Variants in NFIC observed in about 807,000 individuals in gnomAD.
NFIC encodes nuclear factor I C.
In NFIC, 12 loss-of-function variants were observed where a neutral mutation model predicts 54.4. The observed-to-expected ratio is 0.22, with a 90% CI of 0.14 to 0.36. The LOEUF (loss-of-function observed/expected upper bound fraction) is 0.36. Ranked by LOEUF, NFIC falls within the 10% of genes least tolerant of loss-of-function variation. The pLI is 1.00. For synonymous variants in NFIC, 322 were observed against 319.2 expected, an observed-to-expected ratio of 1.01 and a Z score of -0.09; for missense variants, 575 against 718.2, an observed-to-expected ratio of 0.80 and a Z score of 2.28.
intron 6 of NFIC, among the ~76,000 whole-genome samples, chr19:3,444,796 C>A (rs1392686945): frequency 6.6e-6 from 1 of 152,230 alleles, no homozygotes; most frequent in Non-Finnish European, 1.5e-5. Flanking sequence ...GAGCTGCCAG[C>A]CCCTGCACAC....
rs190974806 is a variant in NFIC at position 3,465,699 on chromosome 19, G to A, written c.*2930G>A. ...GGGAAAGGGCTCTCCTCTCTGATTG[G>A]TCCCTAGGCCACGGGCCGGCCCCCA... On this transcript the variant is annotated 3_prime_UTR_variant, in exon 11 of 11. Transcript: ENST00000443272. 81 of 152,304 alleles carry A rather than the reference G, an allele frequency of 5.3e-4. No individual in the cohort carries two copies. Among genetic ancestry groups the A allele is most frequent in the African/African-American group, 1.9e-3 (78 of 41,552 alleles). 9.4% of individuals were successfully genotyped at this position (152,304 alleles called of 1,614,324 possible).
chr19:3,432,514 G>C (rs2082135443), intron 3 of NFIC, among the ~76,000 whole-genome samples: 1 of 152,012 alleles, frequency 6.6e-6, no homozygotes, highest in Admixed American at 6.6e-5. Context: ...CAGGCAGTTG[G>C]ATACAGATCT....
intron 6 of NFIC, among the ~76,000 whole-genome samples, chr19:3,447,426 A>G (rs929972243): frequency 6.6e-6 from 1 of 151,916 alleles, no homozygotes; most frequent in Non-Finnish European, 1.5e-5. Flanking sequence ...TTCCCACTTC[A>G]TTTTGAAGAC....
intron 1 of NFIC, among the ~76,000 whole-genome samples, chr19:3,371,758 C>T (rs1456400101): frequency 6.6e-6 from 1 of 152,070 alleles, no homozygotes; most frequent in Non-Finnish European, 1.5e-5. Context: ...TGTATTTGCG[C>T]AGCGTAAGCC....
chr19:3,395,250 T>C (rs1385958128), intron 2 of NFIC, among the ~76,000 whole-genome samples: 1 of 151,986 alleles, frequency 6.6e-6, no homozygotes, highest in Non-Finnish European at 1.5e-5. Context: ...TCCCAGCTAC[T>C]GGGGAGGCTG....
rs932461315 is a variant in NFIC, at chr19:3,454,047, G to A, written c.1423+131G>A. 24 of 1,383,000 alleles carry A rather than the reference G, an allele frequency of 1.7e-5. No homozygotes were observed. In the Admixed American group the frequency reaches 4.4e-4, roughly 26 times the overall value. The allele number at this position is 1,383,000 out of a possible 1,614,324, so 85.7% of individuals were successfully genotyped here. On this transcript the variant is annotated intron_variant, in intron 9 of 10. Coordinates refer to ENST00000443272, the MANE Select transcript of NFIC (RefSeq NM_001245002.2). ...GCCTGGCGAGTTTGGTGGGTCTCCGGAAAACAGCCCAGTGGCCACGTGGTT... is the reference window on the plus strand; with the variant it reads ...GCCTGGCGAGTTTGGTGGGTCTCCGAAAAACAGCCCAGTGGCCACGTGGTT...
chr19:3,456,731 C>T (rs1419238657), intron 10 of NFIC, 96 bp downstream of exon 10: 3 of 1,203,102 alleles, frequency 2.5e-6, no homozygotes, highest in East Asian at 2.6e-5. Context: ...GGGTCCCACG[C>T]CACACCCCTG....
chr19:3,360,991 C>CT (rs534109961), intron 1 of NFIC, among the ~76,000 whole-genome samples: 14 of 152,334 alleles, frequency 9.2e-5, no homozygotes, highest in Admixed American at 7.8e-4. Flanking sequence ...CCCCCAGTTC[C>CT]TTTTTTCCTG....
chr19:3,367,528 G>T (rs1317804750), intron 1 of NFIC, among the ~76,000 whole-genome samples: 1 of 152,070 alleles, frequency 6.6e-6, no homozygotes, highest in East Asian at 1.9e-4. Context: ...CGCACTCCCA[G>T]ACTGCCCCGG....
At chr19:3,429,114 A>C (rs2082073166) in intron 3 of NFIC, among the ~76,000 whole-genome samples, 1 of 135,540 alleles carries the variant, frequency 7.4e-6, no homozygotes, top group Non-Finnish European at 1.5e-5. Flanking sequence ...GCAAGACCCT[A>C]TCTCTACCCA....
chr19:3,429,720 A>G (rs2082091798), intron 3 of NFIC, among the ~76,000 whole-genome samples: 2 of 151,962 alleles, frequency 1.3e-5, no homozygotes, highest in African/African-American at 4.8e-5. Flanking sequence ...ACCGCCACCC[A>G]AAAGCCAAGA....
chr19:3,381,087 G>A (rs1460776380), intron 1 of NFIC, among the ~76,000 whole-genome samples: 1 of 152,044 alleles, frequency 6.6e-6, no homozygotes, highest in African/African-American at 2.4e-5. Context: ...CTGCATGCTG[G>A]GGTTCAACAT....
rs568690699 is a variant in NFIC at position 3,416,869 on chromosome 19, C to T, written c.563-8237C>T. Among the ~76,000 whole-genome samples, 14 of 144,662 alleles carry T rather than the reference C, an allele frequency of 9.7e-5. No individual in the cohort carries two copies. In the East Asian group the frequency reaches 1.3e-3, roughly 13 times the overall value. 94.9% of individuals were successfully genotyped at this position (144,662 alleles called of 152,430 possible). On this transcript the variant is annotated intron_variant, in intron 2 of 10. Coordinates refer to ENST00000443272, the MANE Select transcript of NFIC (RefSeq NM_001245002.2). ...AATTCTGGCCAGACATGGTGGCTCA[C>T]GCCTGTAATCCCAGTGCTTTTTTTT... is the stretch of plus-strand genomic sequence containing the variant.
At chr19:3,424,343 T>G (rs1426173027) in intron 2 of NFIC, among the ~76,000 whole-genome samples, 2 of 143,986 alleles carry the variant, frequency 1.4e-5, no homozygotes, top group East Asian at 2.2e-4. Context: ...GTTTTATTTT[T>G]TTGTTGTTGC....
At chr19:3,432,396 A>G (rs1209139712) in intron 3 of NFIC, among the ~76,000 whole-genome samples, 4 of 152,114 alleles carry the variant, frequency 2.6e-5, no homozygotes, top group Non-Finnish European at 5.9e-5. Flanking sequence ...GGGTCGGGGC[A>G]GACAGACATC....
chr19:3,395,622 A>G (rs1273324628), intron 2 of NFIC, among the ~76,000 whole-genome samples: 1 of 151,014 alleles, frequency 6.6e-6, no homozygotes, highest in Admixed American at 6.6e-5. Flanking sequence ...TCAGCCTCCC[A>G]GGTAGCTGGC....
At position 3,452,526 on chromosome 19, in the gene NFIC, A is replaced by G. The variant is rs2082481531; in HGVS notation, c.1129A>G (p.Thr377Ala). Residue 377 changes from threonine (T) to alanine (A), a missense_variant, in exon 8 of 11, where the codon ACG (threonine) becomes GCG (alanine). Physicochemically the swap from Thr to Ala is moderately conservative, Grantham distance 58 (BLOSUM62 0). This residue lies in a region of NFIC where 447 missense variants were observed against 526.9 expected (regional missense o/e 0.85). Transcript: ENST00000443272. The surrounding 1 kb of genome is among the most constrained non-coding windows in gnomAD (Gnocchi z 5.3). ...PHPSSALHFP[T>A]TSILPQTAST... ...CCCGTCCTCCGCTCTGCATTTCCCTACGACGTCCATCCTACCCCAGACGGC... is the reference window on the plus strand; with the variant it reads ...CCCGTCCTCCGCTCTGCATTTCCCTGCGACGTCCATCCTACCCCAGACGGC... 1.2e-6 allele frequency: 2 copies of G among 1,613,022 alleles called. No homozygotes were observed. Among genetic ancestry groups the G allele is most frequent in the Non-Finnish European group, 8.5e-7 (1 of 1,179,906 alleles).
chr19:3,443,469 G>A (rs1044410299), intron 6 of NFIC, among the ~76,000 whole-genome samples: 5 of 151,600 alleles, frequency 3.3e-5, no homozygotes, highest in Non-Finnish European at 7.4e-5. Context: ...TGCTCACAAC[G>A]GAATAAACTC....
chr19:3,399,760 A>C (rs1268640499), intron 2 of NFIC, among the ~76,000 whole-genome samples: 2 of 152,072 alleles, frequency 1.3e-5, no homozygotes, highest in Admixed American at 6.6e-5. Flanking sequence ...AATCCCAGCT[A>C]CTGGGGAGGC....
Sources: allele counts gnomAD v4.1 joint callset (sites outside exome capture counted in the v4.1 genomes callset), GRCh38; gene constraint gnomAD v4.1.1; regional missense constraint gnomAD v4.1.1; non-coding constraint Gnocchi (gnomAD v3.1); transcripts MANE v1.5; gene names NCBI Gene and HGNC (gene_info 2026-07-23, HGNC 2026-07-21).